EXOC4: variants seen among roughly 807,000 people sequenced by gnomAD.
EXOC4 encodes SEC8-like 1.
In EXOC4, 71 loss-of-function variants were observed where a neutral mutation model predicts 107.2. The observed-to-expected ratio is 0.66, with a 90% CI of 0.55 to 0.81. The LOEUF (loss-of-function observed/expected upper bound fraction) is 0.81, where lower values mean the gene tolerates loss of function less well. EXOC4 is among the 30% of genes least tolerant of loss of function. The probability of loss-of-function intolerance (pLI) is 0.00; values close to 1 mark genes in which losing one functional copy is unlikely to be tolerated. For synonymous variants in EXOC4, 456 were observed against 441.2 expected, an observed-to-expected ratio of 1.03 and a Z score of -0.42; for missense variants, 1,108 against 1,189.6, an observed-to-expected ratio of 0.93 and a Z score of 1.01.
chr7:133,259,816 A>G (rs572216407), intron 1 of EXOC4, among the ~76,000 whole-genome samples: 2 of 152,334 alleles, frequency 1.3e-5, no homozygotes, highest in African/African-American at 4.8e-5. Context: ...TTTTTATTAA[A>G]TATGGGATCT....
At position 133,642,693 on chromosome 7, in the gene EXOC4, C is replaced by T. The variant is rs1802887889; in HGVS notation, c.1514+12552C>T. Among the ~76,000 whole-genome samples the T allele has an allele frequency of 1.3e-5, 2 of 152,124 alleles. 1 individual carries two copies. The highest frequency in any genetic ancestry group is 4.1e-4 in the South Asian group (2 of 4,826). On this transcript the variant is annotated intron_variant, in intron 10 of 17. Coordinates refer to ENST00000253861, the MANE Select transcript of EXOC4 (RefSeq NM_021807.4). ...CTTCCGGAGTGATCATGTCACTCCC[C>T]TCCTTCTTTGTGATTTCTTATCCTC...
chr7:133,574,075 A>T (rs1462624775), intron 9 of EXOC4, among the ~76,000 whole-genome samples: 1 of 152,206 alleles, frequency 6.6e-6, no homozygotes, highest in Non-Finnish European at 1.5e-5. Flanking sequence ...ACTGCTAATA[A>T]GTTGCTGTGC....
At chr7:133,859,125 C>T (rs1265590847) in intron 11 of EXOC4, among the ~76,000 whole-genome samples, 1 of 152,106 alleles carries the variant, frequency 6.6e-6, no homozygotes, top group Non-Finnish European at 1.5e-5. Flanking sequence ...ACTGCTTGTG[C>T]ATCTTCATTT....
intron 11 of EXOC4, among the ~76,000 whole-genome samples, chr7:133,818,675 G>T (rs1246918101): frequency 6.6e-6 from 1 of 152,130 alleles, no homozygotes; most frequent in African/African-American, 2.4e-5. Context: ...GAACGTGCTT[G>T]CTCTTCCTTC....
intron 9 of EXOC4, among the ~76,000 whole-genome samples, chr7:133,616,954 G>C (rs1323739341): frequency 2.0e-5 from 3 of 152,082 alleles, no homozygotes; most frequent in African/African-American, 7.2e-5. Flanking sequence ...CTTCTCATGA[G>C]CACATCTGGT....
intron 14 of EXOC4, among the ~76,000 whole-genome samples, chr7:133,969,598 T>A (rs1261651244): frequency 6.6e-6 from 1 of 152,198 alleles, no homozygotes; most frequent in Non-Finnish European, 1.5e-5. Flanking sequence ...CAGGCCGCTC[T>A]GCTGTAGGTC....
chr7:133,868,996 A>T (rs1798697734), intron 11 of EXOC4, among the ~76,000 whole-genome samples: 1 of 151,880 alleles, frequency 6.6e-6, no homozygotes, highest in African/African-American at 2.4e-5. Flanking sequence ...AGGCACCTGG[A>T]GGAATATGGA....
chr7:133,584,581 T>TTTG (rs1346763818), intron 9 of EXOC4, among the ~76,000 whole-genome samples: 2 of 136,278 alleles, frequency 1.5e-5, no homozygotes, highest in Admixed American at 7.3e-5. Flanking sequence ...TCAGTTTTTT[T>TTTG]TTTGTTTTTT....
intron 9 of EXOC4, among the ~76,000 whole-genome samples, chr7:133,616,278 T>C (rs552314591): frequency 6.6e-6 from 1 of 152,292 alleles, no homozygotes; most frequent in African/African-American, 2.4e-5. Flanking sequence ...TGCTCTTTTT[T>C]ATACCCTTTT....
intron 14 of EXOC4, among the ~76,000 whole-genome samples, chr7:133,949,790 T>C (rs868038125): frequency 5.1e-4 from 77 of 152,312 alleles, no homozygotes; most frequent in African/African-American, 1.8e-3. Flanking sequence ...TTCTTATCTC[T>C]ACTTCTTCAG....
intron 11 of EXOC4, among the ~76,000 whole-genome samples, chr7:133,844,472 C>G (rs552042574): frequency 1.1e-4 from 16 of 143,150 alleles, no homozygotes; most frequent in Non-Finnish European, 2.1e-4. Context: ...TCACAGAAAC[C>G]TCTGCTTCCC....
intron 9 of EXOC4, among the ~76,000 whole-genome samples, chr7:133,591,760 G>A (rs999447309): frequency 5.3e-5 from 8 of 152,262 alleles, no homozygotes; most frequent in South Asian, 2.1e-4. Context: ...AGAAGGGACC[G>A]CTCTGTAAAA....
intron 10 of EXOC4, among the ~76,000 whole-genome samples, chr7:133,739,145 A>G (rs541222898): frequency 6.6e-6 from 1 of 152,256 alleles, no homozygotes; most frequent in South Asian, 2.1e-4. Context: ...TAGAACAACA[A>G]AAGACATTTT....
intron 17 of EXOC4, among the ~76,000 whole-genome samples, chr7:134,030,735 A>G (rs1485870137): frequency 8.0e-6 from 1 of 124,742 alleles, no homozygotes; most frequent in Non-Finnish European, 1.6e-5. Flanking sequence ...ACGACTGATC[A>G]AAGGTTGGTT....
At chr7:133,711,076 T>A (rs1309708900) in intron 10 of EXOC4, among the ~76,000 whole-genome samples, 1 of 152,258 alleles carries the variant, frequency 6.6e-6, no homozygotes, top group Admixed American at 6.5e-5. Flanking sequence ...TATCATTTTT[T>A]ACTGACTTGT....
At chr7:133,634,353 C>A (rs1029842026) in intron 10 of EXOC4, among the ~76,000 whole-genome samples, 1 of 152,122 alleles carries the variant, frequency 6.6e-6, no homozygotes, top group Admixed American at 6.5e-5. Context: ...TCAGGCATGT[C>A]TCTTAGAGAG....
chr7:134,073,222 A>AAAAAAAC, the EXOC4 span, among the ~76,000 whole-genome samples: 1 of 46,324 alleles, frequency 2.2e-5, no homozygotes, highest in African/African-American at 1.1e-4. Flanking sequence ...AAAAAAAAAA[A>AAAAAAAC]AAAAAAAAAA....
chr7:133,866,954 G>A (rs1251336296), intron 11 of EXOC4, among the ~76,000 whole-genome samples: 4 of 152,172 alleles, frequency 2.6e-5, no homozygotes, highest in African/African-American at 7.2e-5. Flanking sequence ...GTCCATCGTC[G>A]TCTTTGCTGA....
intron 10 of EXOC4, among the ~76,000 whole-genome samples, chr7:133,662,790 A>G (rs1248904507): frequency 6.6e-6 from 1 of 152,140 alleles, no homozygotes; most frequent in Non-Finnish European, 1.5e-5. Flanking sequence ...TATTTTGCCT[A>G]GGAAGTATTT....
Sources: allele counts gnomAD v4.1 joint callset (sites outside exome capture counted in the v4.1 genomes callset), GRCh38; gene constraint gnomAD v4.1.1; transcripts MANE v1.5; gene names NCBI Gene and HGNC (gene_info 2026-07-23, HGNC 2026-07-21).